Variants in SYT1 observed in about 807,000 individuals in gnomAD.
The protein encoded by SYT1 is synaptotagmin-1.
SYT1 carries 8 observed loss-of-function variants against 44.8 expected under a neutral mutation model. That is an observed-to-expected ratio of 0.18 (90% CI 0.10 to 0.32). The LOEUF (loss-of-function observed/expected upper bound fraction) is 0.32. SYT1 is among the 10% of genes least tolerant of loss of function. SYT1 has a pLI of 1.00. For missense variants in SYT1, 286 were observed against 509.3 expected (o/e 0.56, Z 4.22); for synonymous variants, 154 against 188.8 (o/e 0.82, Z 1.51).
intron 1 of SYT1, among the ~76,000 whole-genome samples, chr12:78,917,306 G>A (rs1465042482): frequency 6.6e-6 from 1 of 151,940 alleles, no homozygotes; most frequent in Non-Finnish European, 1.5e-5. Context: ...TCATGGCTTT[G>A]AATTCTTTAT....
At chr12:79,245,073 T>C (rs1264301534) in intron 4 of SYT1, among the ~76,000 whole-genome samples, 1 of 152,124 alleles carries the variant, frequency 6.6e-6, no homozygotes, top group Non-Finnish European at 1.5e-5. Context: ...GCCATACCTC[T>C]GTGTAGAAGC....
At chr12:79,041,214 C>A (rs936359754) in intron 2 of SYT1, among the ~76,000 whole-genome samples, 37 of 151,974 alleles carry the variant, frequency 2.4e-4, no homozygotes, top group Admixed American at 1.1e-3. Flanking sequence ...TTACCTTGGG[C>A]AGTATGGCCA....
At chr12:79,291,804 C>T in intron 5 of SYT1, 1 of 699,260 alleles carries the variant, frequency 1.4e-6, no homozygotes. Context: ...TTCCATTTTG[C>T]TTGCTGATTG....
intron 3 of SYT1, among the ~76,000 whole-genome samples, chr12:79,147,351 A>T (rs1321738899): frequency 1.3e-5 from 2 of 152,302 alleles, no homozygotes; most frequent in East Asian, 3.9e-4. Flanking sequence ...TAGAAAATAT[A>T]TTCTTAGTGT....
chr12:79,263,504 A>C (rs921827460), intron 4 of SYT1, among the ~76,000 whole-genome samples: 1 of 152,108 alleles, frequency 6.6e-6, no homozygotes, highest in African/African-American at 2.4e-5. Flanking sequence ...TAAATATGTT[A>C]TGTGTCTACT....
chr12:79,146,902 A>T (rs574151695), intron 3 of SYT1, among the ~76,000 whole-genome samples: 2 of 152,118 alleles, frequency 1.3e-5, no homozygotes, highest in Non-Finnish European at 2.9e-5. Context: ...GCACAATGGC[A>T]CGATCTCAGC....
chr12:79,203,525 C>A (rs1873921217), intron 3 of SYT1, among the ~76,000 whole-genome samples: 1 of 152,068 alleles, frequency 6.6e-6, no homozygotes, highest in Admixed American at 6.5e-5. Flanking sequence ...TTGCCTAAAC[C>A]AACCATCGGC....
chr12:78,912,273 T>A (rs1001444184), intron 1 of SYT1, among the ~76,000 whole-genome samples: 2 of 151,828 alleles, frequency 1.3e-5, no homozygotes, highest in African/African-American at 4.8e-5. Context: ...TTCCGTACTG[T>A]ACAAGGCACT....
At position 79,446,013 on chromosome 12, in the gene SYT1, ATATATATATATATATATAT is replaced by A. The variant is rs1402058747; in HGVS notation, c.1062+1808_1062+1826del. The stretch of plus-strand genomic sequence containing the variant: ...GACATATATATATATATATATATAT[ATATATATATATATATATAT>A]ATTATGCCTAGGTCCAAGTTAACCA... On this transcript the variant is annotated intron_variant, in intron 10 of 10. Transcript: ENST00000261205. 2.3e-3 allele frequency among the ~76,000 whole-genome samples: 293 copies of A among 125,876 alleles called. 5 individuals carry two copies. Among genetic ancestry groups the A allele is most frequent in the African/African-American group, 8.5e-3 (286 of 33,614 alleles). 82.6% of individuals were successfully genotyped at this position (125,876 alleles called of 152,430 possible).
At chr12:79,179,588 T>C (rs536351636) in intron 3 of SYT1, among the ~76,000 whole-genome samples, 131 of 150,324 alleles carry the variant, frequency 8.7e-4, no homozygotes, top group African/African-American at 3.0e-3. Context: ...GATATAGATA[T>C]AGATTTTTTT....
intron 1 of SYT1, among the ~76,000 whole-genome samples, chr12:78,942,634 T>C (rs1878438651): frequency 6.6e-6 from 1 of 152,224 alleles, no homozygotes; most frequent in African/African-American, 2.4e-5. Context: ...CTAAGTCTCC[T>C]TAACTACTTG....
chr12:78,971,899 T>C (rs549101010), intron 1 of SYT1, among the ~76,000 whole-genome samples: 10 of 152,296 alleles, frequency 6.6e-5, no homozygotes, highest in Admixed American at 4.6e-4. Context: ...AAGGGAATCA[T>C]TGACCCCTTT....
At chr12:79,261,309 A>C (rs1877818153) in intron 4 of SYT1, among the ~76,000 whole-genome samples, 1 of 152,196 alleles carries the variant, frequency 6.6e-6, no homozygotes, top group African/African-American at 2.4e-5. Flanking sequence ...TCCATTCTTA[A>C]CATTAAGAAA....
chr12:79,038,124 G>A (rs934454344), intron 2 of SYT1, among the ~76,000 whole-genome samples: 19 of 150,662 alleles, frequency 1.3e-4, no homozygotes, highest in African/African-American at 3.9e-4. Context: ...TTTGTCATAT[G>A]TCATTTTTTC....
intron 1 of SYT1, among the ~76,000 whole-genome samples, chr12:78,938,835 T>C (rs964449635): frequency 1.2e-4 from 18 of 152,310 alleles, no homozygotes; most frequent in Admixed American, 1.1e-3. Context: ...CAGTCTGCTT[T>C]TATAGACCCT....
At chr12:79,069,047 T>C (rs143002195) in intron 3 of SYT1, among the ~76,000 whole-genome samples, 121 of 152,212 alleles carry the variant, frequency 7.9e-4, no homozygotes, top group African/African-American at 2.8e-3. Flanking sequence ...ACAGGCCAAA[T>C]AGAATTATAA....
At chr12:79,321,858 C>T (rs1881375660) in intron 8 of SYT1, among the ~76,000 whole-genome samples, 1 of 152,160 alleles carries the variant, frequency 6.6e-6, no homozygotes, top group Admixed American at 6.5e-5. Context: ...ACCAGTTCAT[C>T]ATGTGTAATT....
chr12:78,934,928 C>T, intron 1 of SYT1, among the ~76,000 whole-genome samples: 1 of 152,164 alleles, frequency 6.6e-6, no homozygotes, highest in Admixed American at 6.5e-5. Context: ...AAAGGTATTA[C>T]ATGTTGGTAA....
At chr12:79,422,867 G>C (rs1347467843) in intron 9 of SYT1, among the ~76,000 whole-genome samples, 1 of 152,078 alleles carries the variant, frequency 6.6e-6, no homozygotes, top group African/African-American at 2.4e-5. Flanking sequence ...TAAGCTGTGT[G>C]AACAAATGAG....
Sources: gnomAD v4.1 joint callset for allele counts (sites outside exome capture counted in the v4.1 genomes callset) on GRCh38, gnomAD v4.1.1 for gene constraint, MANE v1.5 for transcripts, NCBI Gene and HGNC (gene_info 2026-07-23, HGNC 2026-07-21) for gene names.